ATP8A2: variants seen among roughly 807,000 people sequenced by gnomAD.
ATP8A2 encodes ATPase phospholipid transporting 8A2, also known as phospholipid-transporting ATPase IB.
A neutral mutation model predicts 165.6 loss-of-function variants in ATP8A2; 100 were observed. That is an observed-to-expected ratio of 0.60 (90% confidence interval 0.51 to 0.71). The LOEUF (loss-of-function observed/expected upper bound fraction) is 0.71, where lower values mean the gene tolerates loss of function less well. Among genes scored for constraint, ATP8A2 ranks in the 30% least tolerant of loss-of-function variants. ATP8A2 has a pLI of 0.00. For missense variants in ATP8A2, 1,227 were observed against 1,479.5 expected, an observed-to-expected ratio of 0.83 and a Z score of 2.80; for synonymous variants, 543 against 548.8, an observed-to-expected ratio of 0.99 and a Z score of 0.15.
At chr13:25,863,838 T>C (rs564505931) in intron 33 of ATP8A2, among the ~76,000 whole-genome samples, 12 of 152,358 alleles carry the variant, frequency 7.9e-5, no homozygotes, top group African/African-American at 2.9e-4. Context: ...AGTGCATCTT[T>C]GCTTTCTGTG....
At position 25,538,080 on chromosome 13, in the gene ATP8A2, C is replaced by T. The variant is rs759365162; in HGVS notation, c.581+19C>T. On this transcript the variant is annotated intron_variant, in intron 7 of 36. Coordinates refer to ENST00000381655, the MANE Select transcript of ATP8A2 (RefSeq NM_016529.6). ...CATCCAGGTTAGCTGTGCTAGTAGG[C>T]ACCTTTTTTGCAATAAATGTTAAGA... is the stretch of plus-strand genomic sequence containing the variant. 6.2e-7 allele frequency: 1 copy of T among 1,603,364 alleles called. No individual in the cohort carries two copies. The highest frequency in any genetic ancestry group is 8.5e-7 in the Non-Finnish European group (1 of 1,170,698).
chr13:25,796,989 C>T (rs551137751), intron 27 of ATP8A2, among the ~76,000 whole-genome samples: 16 of 152,254 alleles, frequency 1.1e-4, no homozygotes, highest in Middle Eastern at 3.4e-3. Context: ...CTAAAACAGC[C>T]AGGCGCCATG....
chr13:25,741,005 C>T (rs934490543), intron 25 of ATP8A2, among the ~76,000 whole-genome samples: 1 of 152,062 alleles, frequency 6.6e-6, no homozygotes, highest in Non-Finnish European at 1.5e-5. Flanking sequence ...AATATGGCTA[C>T]GGTATTATAG....
At chr13:25,630,081 C>G (rs551068204) in intron 24 of ATP8A2, among the ~76,000 whole-genome samples, 2 of 122,444 alleles carry the variant, frequency 1.6e-5, no homozygotes, top group Non-Finnish European at 3.4e-5. Flanking sequence ...CTTTTTGTCC[C>G]CCCCCCACCA....
chr13:25,602,109 A>G (rs1418504536), intron 24 of ATP8A2, among the ~76,000 whole-genome samples: 2 of 152,144 alleles, frequency 1.3e-5, no homozygotes, highest in African/African-American at 4.8e-5. Flanking sequence ...GTGTGTGTGA[A>G]GGTAGTAAGA....
chr13:25,476,030 G>A (rs1447508709), intron 2 of ATP8A2, among the ~76,000 whole-genome samples: 1 of 151,968 alleles, frequency 6.6e-6, no homozygotes, highest in Non-Finnish European at 1.5e-5. Flanking sequence ...TTAATTAGAT[G>A]GGATCATAAT....
chr13:25,424,514 T>C (rs1002705316), intron 1 of ATP8A2, among the ~76,000 whole-genome samples: 2 of 152,248 alleles, frequency 1.3e-5, no homozygotes, highest in Admixed American at 1.3e-4. Context: ...GTCTCAGTCA[T>C]AGGCATATAT....
At chr13:25,700,376 A>G (rs1215092704) in intron 25 of ATP8A2, among the ~76,000 whole-genome samples, 1 of 152,176 alleles carries the variant, frequency 6.6e-6, no homozygotes, top group Non-Finnish European at 1.5e-5. Context: ...GAATATTTTC[A>G]TCACCCCGTA....
intron 24 of ATP8A2, among the ~76,000 whole-genome samples, chr13:25,590,387 T>C (rs2040038284): frequency 6.6e-6 from 1 of 152,210 alleles, no homozygotes; most frequent in Non-Finnish European, 1.5e-5. Flanking sequence ...ATCGTGCCAC[T>C]GCTTTCCAAG....
intron 26 of ATP8A2, among the ~76,000 whole-genome samples, chr13:25,771,724 G>GTCCA (rs1180782485): frequency 6.6e-6 from 1 of 152,150 alleles, no homozygotes; most frequent in Non-Finnish European, 1.5e-5. Context: ...CATTTCTCCT[G>GTCCA]TCCATGGTCC....
chr13:25,714,741 G>A (rs2043220498), intron 25 of ATP8A2, among the ~76,000 whole-genome samples: 1 of 152,196 alleles, frequency 6.6e-6, no homozygotes, highest in African/African-American at 2.4e-5. Flanking sequence ...TTGTAACTAT[G>A]GAAAATGTTT....
In ATP8A2 at chr13:25,961,623, G is replaced by A. The variant is rs1407606456; in HGVS notation, c.3232G>A (p.Val1078Ile). 6.2e-7 allele frequency: 1 copy of A among 1,614,024 alleles called. No homozygotes were observed. The highest frequency in any genetic ancestry group is 1.7e-5 in the Admixed American group (1 of 59,996). ...SAHFWLGLFL[V>I]PTACLIEDVA... ...ACACTTCTGGTTGGGATTATTTCTG[G>A]TTCCTACTGCCTGTTTGATTGAAGA... The change falls in exon 34 of 37, where the codon GTT becomes ATT. Residue 1078 changes from valine to isoleucine, a missense_variant. Around this residue, in one of 5 missense-constraint regions of ATP8A2, gnomAD observed 260 missense variants for 245.1 expected, o/e 1.06. Coordinates refer to ENST00000381655, the MANE Select transcript of ATP8A2 (RefSeq NM_016529.6).
chr13:25,758,039 A>C (rs1261104886), intron 25 of ATP8A2, among the ~76,000 whole-genome samples: 1 of 152,166 alleles, frequency 6.6e-6, no homozygotes, highest in Non-Finnish European at 1.5e-5. Context: ...TAACCTCCAA[A>C]AGGAGATAAC....
At chr13:25,651,420 C>G (rs1040511851) in intron 24 of ATP8A2, among the ~76,000 whole-genome samples, 1 of 151,050 alleles carries the variant, frequency 6.6e-6, no homozygotes, top group Admixed American at 6.6e-5. Context: ...TCCAGCCTGG[C>G]GGCAGAGTGA....
intron 23 of ATP8A2, among the ~76,000 whole-genome samples, chr13:25,582,727 T>A (rs2039809897): frequency 6.6e-6 from 1 of 152,252 alleles, no homozygotes; most frequent in Non-Finnish European, 1.5e-5. Flanking sequence ...TTTAAGTGAC[T>A]ATAGTCCTCT....
chr13:25,454,677 A>C (rs1457807716), intron 1 of ATP8A2, among the ~76,000 whole-genome samples: 9 of 152,114 alleles, frequency 5.9e-5, no homozygotes, highest in Non-Finnish European at 1.2e-4. Flanking sequence ...TAATCCCAGC[A>C]CTTTGGGAGG....
intron 35 of ATP8A2, among the ~76,000 whole-genome samples, chr13:25,977,690 T>G (rs1956087176): frequency 6.6e-6 from 1 of 152,220 alleles, no homozygotes; most frequent in Admixed American, 6.5e-5. Flanking sequence ...ATTAGAAAAT[T>G]TTTAAATTAA....
At chr13:25,739,692 A>G (rs1173882795) in intron 25 of ATP8A2, among the ~76,000 whole-genome samples, 1 of 152,172 alleles carries the variant, frequency 6.6e-6, no homozygotes, top group Non-Finnish European at 1.5e-5. Flanking sequence ...TATTTTATTT[A>G]AAGAGGAATA....
intron 1 of ATP8A2, among the ~76,000 whole-genome samples, chr13:25,417,976 A>G (rs1333183668): frequency 6.6e-6 from 1 of 151,852 alleles, no homozygotes; most frequent in Non-Finnish European, 1.5e-5. Context: ...TGATCCCAGG[A>G]CTCCTTGCTA....
Sources: allele counts gnomAD v4.1 joint callset (sites outside exome capture counted in the v4.1 genomes callset), GRCh38; gene constraint gnomAD v4.1.1; regional missense constraint gnomAD v4.1.1; transcripts MANE v1.5; gene names NCBI Gene and HGNC (gene_info 2026-07-23, HGNC 2026-07-21).